DPP10: variants seen among roughly 807,000 people sequenced by gnomAD.
DPP10 encodes dipeptidyl peptidase like 10.
Under a neutral mutation model 120.9 loss-of-function variants are expected in DPP10, and 33 were observed. That is an observed-to-expected ratio of 0.27 (90% CI 0.21 to 0.37). DPP10 has a LOEUF of 0.37. Ranked by LOEUF, DPP10 falls within the 10% of genes least tolerant of loss-of-function variation. The pLI, the probability that DPP10 is intolerant of heterozygous loss-of-function variation, is 1.00. For missense variants in DPP10, 816 were observed against 942.8 expected (o/e 0.87, Z 1.76); for synonymous variants, 337 against 326.1 (o/e 1.03, Z -0.36).
intron 1 of DPP10, among the ~76,000 whole-genome samples, chr2:114,945,140 T>G (rs7584940): frequency 0.26 from 39,304 of 152,154 alleles, 5,144 homozygotes; most frequent in East Asian, 0.36. Context: ...AAAAAATTCC[T>G]AGAAAAGCGT....
At chr2:114,737,419 C>T (rs1677555993) in intron 1 of DPP10, among the ~76,000 whole-genome samples, 2 of 152,188 alleles carry the variant, frequency 1.3e-5, no homozygotes, top group African/African-American at 4.8e-5. Context: ...TGTGAAAAGG[C>T]TAACATTTCT....
At chr2:115,350,678 T>G (rs2063968229) in intron 3 of DPP10, among the ~76,000 whole-genome samples, 2 of 152,140 alleles carry the variant, frequency 1.3e-5, no homozygotes, top group African/African-American at 4.8e-5. Flanking sequence ...ACTATTAGAC[T>G]TAAGAGGCAT....
At chr2:115,401,097 G>A (rs2068041381) in intron 3 of DPP10, among the ~76,000 whole-genome samples, 3 of 152,308 alleles carry the variant, frequency 2.0e-5, no homozygotes, top group South Asian at 2.1e-4. Context: ...ATAAGGTCTC[G>A]CATATCACTG....
intron 1 of DPP10, among the ~76,000 whole-genome samples, chr2:114,519,868 C>A (rs148466963): frequency 6.6e-6 from 1 of 152,136 alleles, no homozygotes; most frequent in Admixed American, 6.5e-5. Context: ...CAAAATATAC[C>A]CTTACTCATT....
At chr2:114,643,291 G>A (rs1476479330) in intron 1 of DPP10, among the ~76,000 whole-genome samples, 2 of 151,808 alleles carry the variant, frequency 1.3e-5, no homozygotes, top group Non-Finnish European at 2.9e-5. Context: ...GGCACTCCAG[G>A]CAGCAAGCTG....
chr2:114,766,214 T>C (rs939543327), intron 1 of DPP10, among the ~76,000 whole-genome samples: 1 of 152,034 alleles, frequency 6.6e-6, no homozygotes, highest in Non-Finnish European at 1.5e-5. Flanking sequence ...TCAGAAACCA[T>C]CATCACTGAA....
chr2:115,123,133 G>T (rs1056240967), intron 1 of DPP10, among the ~76,000 whole-genome samples: 6 of 152,148 alleles, frequency 3.9e-5, no homozygotes, highest in African/African-American at 1.4e-4. Context: ...TTGCCTCCTT[G>T]GAGGAAAGAA....
At chr2:114,521,309 G>T (rs893829770) in intron 1 of DPP10, among the ~76,000 whole-genome samples, 1 of 145,490 alleles carries the variant, frequency 6.9e-6, no homozygotes, top group Non-Finnish European at 1.5e-5. Context: ...AGGATAATCA[G>T]GCAGGCCGAT....
intron 1 of DPP10, among the ~76,000 whole-genome samples, chr2:114,763,055 T>C (rs746087004): frequency 1.2e-4 from 18 of 152,232 alleles, no homozygotes; most frequent in Middle Eastern, 6.8e-3. Context: ...GATGAGACTT[T>C]CTAGGTGAGG....
At chr2:115,477,798 CT>C (rs752837276) in intron 3 of DPP10, among the ~76,000 whole-genome samples, 3 of 152,134 alleles carry the variant, frequency 2.0e-5, no homozygotes, top group South Asian at 2.1e-4. Flanking sequence ...TGTGTTAGCC[CT>C]TTTTTTGTGT....
At chr2:115,619,225 G>A (rs1040778637) in intron 5 of DPP10, among the ~76,000 whole-genome samples, 6 of 149,142 alleles carry the variant, frequency 4.0e-5, no homozygotes, top group African/African-American at 1.2e-4. Context: ...CTACAGGTGC[G>A]TGCCACCACG....
At chr2:114,994,142 T>C (rs1449982544) in intron 1 of DPP10, among the ~76,000 whole-genome samples, 1 of 152,202 alleles carries the variant, frequency 6.6e-6, no homozygotes, top group African/African-American at 2.4e-5. Context: ...TAATTCACCA[T>C]ATTAAGTTTT....
chr2:114,962,977 C>T (rs1698757063), intron 1 of DPP10, among the ~76,000 whole-genome samples: 1 of 152,076 alleles, frequency 6.6e-6, no homozygotes, highest in Admixed American at 6.6e-5. Context: ...TGTTAAGTTC[C>T]TCAACCAATG....
chr2:114,496,372 A>T (rs1220246400), intron 1 of DPP10, among the ~76,000 whole-genome samples: 1 of 152,178 alleles, frequency 6.6e-6, no homozygotes, highest in East Asian at 1.9e-4. Flanking sequence ...TGCTGCAACA[A>T]AATACCTTAG....
rs1296274726 is a variant in DPP10 at position 114,739,860 on chromosome 2, CA to C, written c.60+297024del. 2.0e-5 allele frequency among the ~76,000 whole-genome samples: 3 copies of C among 152,196 alleles called. No individual in the cohort carries two copies. In the East Asian group the frequency reaches 5.8e-4, roughly 29 times the overall value. Reference sequence around the variant, plus strand: ...CTAACTCAATCAGACTATCTCTTCTCAATACATGTGTTTTCAGCAAAGTGGC... The same window carrying C: ...CTAACTCAATCAGACTATCTCTTCTCATACATGTGTTTTCAGCAAAGTGGC... On this transcript the variant is annotated intron_variant, in intron 1 of 25. Transcript: ENST00000410059.
rs561083497 is a variant in DPP10 at position 115,428,490 on chromosome 2, C to T, written c.272-71020C>T. 3.9e-5 allele frequency among the ~76,000 whole-genome samples: 6 copies of T among 152,082 alleles called. No homozygotes were observed. The South Asian group carries it at 1.2e-3, about 32-fold the overall frequency. On this transcript the variant is annotated intron_variant, in intron 3 of 25. Coordinates refer to ENST00000410059, the MANE Select transcript of DPP10 (RefSeq NM_020868.6). ...GGGGAGGCCTCAGGCAGCTTTTACT[C>T]ATGGCAGAAGGTGAAGCAGGAGCTT...
chr2:114,589,785 A>G lies in DPP10; in HGVS notation c.60+146947A>G, dbSNP rs549687848. Among the ~76,000 whole-genome samples, 972 of 151,866 alleles carry G rather than the reference A, an allele frequency of 6.4e-3. 10 individuals carry two copies. Among genetic ancestry groups the G allele is most frequent in the African/African-American group, 0.023 (933 of 41,368 alleles). ...TGTCTCTTTCTCTTTTCCCAAAACT[A>G]TGTATTGTTCTCTAGTTACCCTGGC... On this transcript the variant is annotated intron_variant, in intron 1 of 25. Transcript: ENST00000410059.
At chr2:115,189,189 C>T (rs999134033) in intron 1 of DPP10, among the ~76,000 whole-genome samples, 1 of 152,178 alleles carries the variant, frequency 6.6e-6, no homozygotes, top group African/African-American at 2.4e-5. Flanking sequence ...GAGGGGAAGG[C>T]GTTCTTATTC....
At chr2:115,548,230 T>C (rs2079633268) in intron 5 of DPP10, among the ~76,000 whole-genome samples, 1 of 152,168 alleles carries the variant, frequency 6.6e-6, no homozygotes, top group South Asian at 2.1e-4. Context: ...TCTTCTGGGA[T>C]CATTTAAGCG....
Sources: allele counts gnomAD v4.1 joint callset (sites outside exome capture counted in the v4.1 genomes callset), GRCh38; gene constraint gnomAD v4.1.1; transcripts MANE v1.5; gene names NCBI Gene and HGNC (gene_info 2026-07-23, HGNC 2026-07-21).